Variants in LRRTM4 observed in about 807,000 individuals in gnomAD.
The protein encoded by LRRTM4 is leucine-rich repeat transmembrane neuronal protein 4.
In LRRTM4, 25 loss-of-function variants were observed where a neutral mutation model predicts 47.6. The ratio of observed to expected loss-of-function variants is 0.53; its 90% CI spans 0.38 to 0.73. The LOEUF is 0.73. Ranked by LOEUF, LRRTM4 falls within the 30% of genes least tolerant of loss-of-function variation. The probability of loss-of-function intolerance (pLI) is 0.00; values close to 1 mark genes in which losing one functional copy is unlikely to be tolerated. For synonymous variants in LRRTM4, 311 were observed against 269.5 expected (o/e 1.15, Z -1.51); for missense variants, 638 against 713.4 (o/e 0.89, Z 1.20).
chr2:77,426,064 G>A (rs1314919055), intron 3 of LRRTM4, among the ~76,000 whole-genome samples: 4 of 150,796 alleles, frequency 2.7e-5, no homozygotes, highest in East Asian at 2.0e-4. Context: ...GCAGTGAGCC[G>A]AGATTGCGCC....
intron 3 of LRRTM4, among the ~76,000 whole-genome samples, chr2:77,185,411 T>A (rs1371630162): frequency 3.9e-5 from 6 of 152,186 alleles, no homozygotes; most frequent in South Asian, 2.1e-4. Flanking sequence ...CATGCATTTA[T>A]CACTCTATTG....
intron 3 of LRRTM4, among the ~76,000 whole-genome samples, chr2:77,224,842 G>A (rs557894190): frequency 1.3e-5 from 2 of 152,224 alleles, no homozygotes; most frequent in East Asian, 3.9e-4. Context: ...AATACCATTT[G>A]ACCCAGCCAT....
At chr2:77,378,534 T>C (rs1342094257) in intron 3 of LRRTM4, among the ~76,000 whole-genome samples, 1 of 152,108 alleles carries the variant, frequency 6.6e-6, no homozygotes, top group African/African-American at 2.4e-5. Flanking sequence ...AATTGGGTAA[T>C]TTTTGAGACT....
At chr2:77,050,128 C>CTTTTTTTT (rs745419725) in intron 3 of LRRTM4, among the ~76,000 whole-genome samples, 8 of 112,674 alleles carry the variant, frequency 7.1e-5, no homozygotes, top group African/African-American at 2.1e-4. Context: ...AGAACCAAGT[C>CTTTTTTTT]TTTTTTTTTT....
rs374144253 is a variant in LRRTM4, at chr2:77,297,403, C to T, written c.1551+220915G>A. On this transcript the variant is annotated intron_variant, in intron 3 of 3. Transcript: ENST00000409884. ...TCCTAATTATTTTATAGTCACTATG[C>T]TCTATTGTGCCTCTAATGAGGCTAC... 3.7e-4 allele frequency among the ~76,000 whole-genome samples: 57 copies of T among 152,196 alleles called. No individual in the cohort carries two copies. In the South Asian group the frequency reaches 0.011, roughly 30 times the overall value.
intron 3 of LRRTM4, among the ~76,000 whole-genome samples, chr2:77,022,465 C>G (rs34577944): frequency 0.22 from 33,630 of 152,080 alleles, 4,223 homozygotes; most frequent in East Asian, 0.41. Context: ...CCCAAAAGTC[C>G]ACAGTTGAAA....
At chr2:77,384,721 T>C (rs1203922006) in intron 3 of LRRTM4, among the ~76,000 whole-genome samples, 1 of 151,996 alleles carries the variant, frequency 6.6e-6, no homozygotes, top group African/African-American at 2.4e-5. Flanking sequence ...GGAAAAGGAA[T>C]TGGTAAAAAG....
intron 3 of LRRTM4, among the ~76,000 whole-genome samples, chr2:77,350,252 G>A (rs985553951): frequency 1.4e-5 from 2 of 146,508 alleles, no homozygotes; most frequent in East Asian, 4.1e-4. Flanking sequence ...CGTGAACCCG[G>A]GAAGCGGAGC....
chr2:77,455,344 T>C (rs747855937), intron 3 of LRRTM4, among the ~76,000 whole-genome samples: 14 of 152,326 alleles, frequency 9.2e-5, no homozygotes, highest in Middle Eastern at 6.8e-3. Context: ...TATTTCAAAA[T>C]CAAAATATGA....
At chr2:76,920,092 T>C (rs1452349000) in intron 3 of LRRTM4, among the ~76,000 whole-genome samples, 1 of 152,170 alleles carries the variant, frequency 6.6e-6, no homozygotes, top group Non-Finnish European at 1.5e-5. Flanking sequence ...TTTTGCCATA[T>C]AATTCTTTTA....
chr2:77,397,061 G>T (rs1425189584), intron 3 of LRRTM4, among the ~76,000 whole-genome samples: 1 of 151,848 alleles, frequency 6.6e-6, no homozygotes, highest in Non-Finnish European at 1.5e-5. Context: ...AGGATGCATT[G>T]TATGCTGTGA....
intron 3 of LRRTM4, among the ~76,000 whole-genome samples, chr2:77,492,112 G>T (rs1678189465): frequency 6.6e-6 from 1 of 151,884 alleles, no homozygotes; most frequent in Non-Finnish European, 1.5e-5. Context: ...TAAATCAAAA[G>T]AAAGTGACCC....
At chr2:77,260,254 G>A (rs1389126870) in intron 3 of LRRTM4, among the ~76,000 whole-genome samples, 2 of 152,034 alleles carry the variant, frequency 1.3e-5, no homozygotes, top group African/African-American at 2.4e-5. Flanking sequence ...AGAAGAGGTT[G>A]AAGATACAGA....
In LRRTM4 at chr2:77,518,048, A is replaced by G. The variant is rs569465123; in HGVS notation, c.1551+270T>C. The G allele has an allele frequency of 3.3e-5, 39 of 1,186,070 alleles. No homozygotes were observed. In the Admixed American group the frequency reaches 1.6e-3, roughly 49 times the overall value. 73.5% of individuals were successfully genotyped at this position (1,186,070 alleles called of 1,614,324 possible). On this transcript the variant is annotated intron_variant, in intron 3 of 3. Coordinates refer to ENST00000409884, the MANE Select transcript of LRRTM4 (RefSeq NM_001134745.3). ...TTTTTAAGTCCAACCCCTGTATACA[A>G]ATTGTTAAAAAGCAGATGTTTTAAC...
chr2:76,755,219 G>T (rs1672985840), intron 3 of LRRTM4, among the ~76,000 whole-genome samples: 1 of 152,164 alleles, frequency 6.6e-6, no homozygotes, highest in African/African-American at 2.4e-5. Context: ...TATAGATTAA[G>T]TTGAATCAAC....
chr2:77,127,988 CAA>C (rs764068819), intron 3 of LRRTM4, among the ~76,000 whole-genome samples: 15 of 151,990 alleles, frequency 9.9e-5, no homozygotes, highest in Non-Finnish European at 2.2e-4. Flanking sequence ...ACTAAAAATA[CAA>C]AAATTTGCCA....
At chr2:77,442,301 T>C (rs1003010976) in intron 3 of LRRTM4, among the ~76,000 whole-genome samples, 1 of 152,162 alleles carries the variant, frequency 6.6e-6, no homozygotes. Context: ...CAAGAAAGCA[T>C]CATGTATTTT....
intron 3 of LRRTM4, among the ~76,000 whole-genome samples, chr2:77,379,725 C>T (rs778767853): frequency 1.7e-4 from 26 of 151,548 alleles, no homozygotes; most frequent in East Asian, 1.4e-3. Context: ...TTTTTTATTT[C>T]GCCTTCTTTC....
intron 3 of LRRTM4, among the ~76,000 whole-genome samples, chr2:77,077,161 C>A (rs1680364395): frequency 6.6e-6 from 1 of 152,134 alleles, no homozygotes; most frequent in Non-Finnish European, 1.5e-5. Context: ...TAAAGGATAA[C>A]TATATTGATT....
Sources: gnomAD v4.1 joint callset for allele counts (sites outside exome capture counted in the v4.1 genomes callset) on GRCh38, gnomAD v4.1.1 for gene constraint, MANE v1.5 for transcripts, NCBI Gene and HGNC (gene_info 2026-07-23, HGNC 2026-07-21) for gene names.